Variants in ZYX observed in about 807,000 individuals in gnomAD.
ZYX encodes the protein zyxin.
A neutral mutation model predicts 58.1 loss-of-function variants in ZYX; 37 were observed. The ratio of observed to expected loss-of-function variants is 0.64; its 90% CI spans 0.49 to 0.84. The LOEUF (loss-of-function observed/expected upper bound fraction) is 0.84. ZYX is among the 40% of genes least tolerant of loss of function. The probability of loss-of-function intolerance (pLI) is 0.00; values close to 1 mark genes in which losing one functional copy is unlikely to be tolerated. For synonymous variants in ZYX, 324 were observed against 321.1 expected, an observed-to-expected ratio of 1.01 and a Z score of -0.10; for missense variants, 762 against 761.6, an observed-to-expected ratio of 1.00 and a Z score of -0.01.
Position 143,382,243 on chromosome 7 carries a change from C to A in ZYX, c.209-5C>A, listed in dbSNP as rs370831254. ...CGGCCGACGTCTTTCTCCTTCCTAC[C>A]CCAGACTTTCCCCTGCCTCCACCTC... On this transcript the variant is annotated splice_region_variant and splice_polypyrimidine_tract_variant and intron_variant, in intron 2 of 9. Transcript: ENST00000322764. The A allele has an allele frequency of 3.7e-6, 6 of 1,611,916 alleles. No homozygotes were observed. The highest frequency in any genetic ancestry group is 4.2e-6 in the Non-Finnish European group (5 of 1,179,132).
chr7:143,388,620 A>G lies in ZYX; in HGVS notation c.1276A>G (p.Ser426Gly). ...GCAGCTCCAGGGCCAGCAGTTCTAC[A>G]GTCTGGAGGGGGCGCCGTACTGCGA... ...AQQLQGQQFY[S>G]LEGAPYCEGC... Residue 426 changes from serine (S) to glycine (G), a missense_variant, in exon 7 of 10, where the codon AGT becomes GGT. Coordinates refer to ENST00000322764, the MANE Select transcript of ZYX (RefSeq NM_003461.5). The surrounding 1 kb of genome is among the most constrained non-coding windows in gnomAD (Gnocchi z 7.5). The G allele has an allele frequency of 1.2e-6, 2 of 1,613,338 alleles. No homozygotes were observed. Among genetic ancestry groups the G allele is most frequent in the Non-Finnish European group, 1.7e-6 (2 of 1,179,906 alleles).
Position 143,381,755 on chromosome 7 carries a change from G to A in ZYX, c.184G>A (p.Glu62Lys). 2 of 1,584,750 alleles carry A rather than the reference G, an allele frequency of 1.3e-6. No individual in the cohort carries two copies. Among genetic ancestry groups the A allele is most frequent in the Non-Finnish European group, 1.7e-6 (2 of 1,165,732 alleles). The change falls in exon 2 of 10, where the codon GAG becomes AAG. Residue 62 changes from glutamate (E) to lysine (K), a missense_variant. Coordinates refer to ENST00000322764, the MANE Select transcript of ZYX (RefSeq NM_003461.5). ...AQRAQMGRVG[E>K]IPPPPPEDFP... ...GCGCGCACAGATGGGCCGGGTGGGC[G>A]AGATTCCCCCGCCGCCCCCGGAAGG...
rs1173462231 is a variant in ZYX at position 143,382,585 on chromosome 7, C to T, written c.409-8C>T. On this transcript the variant is annotated splice_region_variant and splice_polypyrimidine_tract_variant and intron_variant, in intron 3 of 9. Transcript: ENST00000322764. ...ATGGAATAGGTGCTCTGACCTCTGA[C>T]CCTCTAGCCCAGGGAGAAGGTGAGC... is the stretch of plus-strand genomic sequence containing the variant. 6.2e-7 allele frequency: 1 copy of T among 1,613,826 alleles called. No homozygotes were observed. The highest frequency in any genetic ancestry group is 1.7e-5 in the Admixed American group (1 of 60,028).
chr7:143,382,050 C>A (rs906013475), intron 2 of ZYX, 198 bp from the exon 3 acceptor site: 4 of 610,368 alleles, frequency 6.6e-6, no homozygotes, highest in Non-Finnish European at 1.1e-5. Flanking sequence ...GTAACGGGAG[C>A]TGCACCACTC....
intron 5 of ZYX, among the ~76,000 whole-genome samples, chr7:143,385,656 A>ATTTTTTTTT (rs1261838329): frequency 3.2e-5 from 3 of 93,276 alleles, no homozygotes; most frequent in Non-Finnish European, 6.3e-5. Flanking sequence ...GTGGTGTGGT[A>ATTTTTTTTT]TATCTTTTTT....
Position 143,390,275 on chromosome 7 carries a change from T to C in ZYX, c.1614+298T>C. On this transcript the variant is annotated intron_variant, in intron 9 of 9. Transcript: ENST00000322764. The surrounding 1 kb of genome is among the most constrained non-coding windows in gnomAD (Gnocchi z 4.3). ...TGGTAGGGGATGGGGAAACAGGAGCTGAGAGAAGAGGTCTTCGAATGGAGG... is the reference window on the plus strand; with the variant it reads ...TGGTAGGGGATGGGGAAACAGGAGCCGAGAGAAGAGGTCTTCGAATGGAGG... 1.8e-6 allele frequency: 1 copy of C among 544,772 alleles called. No individual in the cohort carries two copies. The highest frequency in any genetic ancestry group is 3.2e-5 in the Admixed American group (1 of 31,536). 33.7% of individuals were successfully genotyped at this position (544,772 alleles called of 1,614,324 possible).
rs142687371 is a variant in ZYX at position 143,389,878 on chromosome 7, C to T, written c.1515C>T (p.Ser505=). Reference sequence around the variant, plus strand: ...CCAGGCAGTACGCCCCGAGGTGCTCCGTCTGCTCTGAGCCCATCATGCCTG... The same window carrying T: ...CCAGGCAGTACGCCCCGAGGTGCTCTGTCTGCTCTGAGCCCATCATGCCTG... ...DYHKQYAPRC[S]VCSEPIMPEP... The change falls in exon 9 of 10, where the codon TCC becomes TCT. Residue 505 remains serine (S), a synonymous_variant. Transcript: ENST00000322764. The surrounding 1 kb of genome is among the most constrained non-coding windows in gnomAD (Gnocchi z 5.6). 1.4e-4 allele frequency: 234 copies of T among 1,614,016 alleles called. No individual in the cohort carries two copies. Among genetic ancestry groups the T allele is most frequent in the Non-Finnish European group, 1.7e-4 (199 of 1,180,014 alleles).
At chr7:143,385,934 C>T (rs569222044) in intron 5 of ZYX, among the ~76,000 whole-genome samples, 4 of 150,328 alleles carry the variant, frequency 2.7e-5, no homozygotes, top group South Asian at 2.1e-4. Flanking sequence ...TGTGAGCCAC[C>T]GCGCCTGGCC....
chr7:143,389,805 A>G lies in ZYX; in HGVS notation c.1494-52A>G. 6.2e-7 allele frequency: 1 copy of G among 1,606,930 alleles called. No individual in the cohort carries two copies. Reference sequence around the variant, plus strand: ...CCCAACCTGGCTTATGCGTGCGCACACCGGGGATGAAAGCCCTGGCTAACT... The same window carrying G: ...CCCAACCTGGCTTATGCGTGCGCACGCCGGGGATGAAAGCCCTGGCTAACT... On this transcript the variant is annotated intron_variant, in intron 8 of 9. Transcript: ENST00000322764. The surrounding 1 kb of genome is among the most constrained non-coding windows in gnomAD (Gnocchi z 5.6).
chr7:143,388,437 G>C lies in ZYX; in HGVS notation c.1145-52G>C. 1 of 1,604,230 alleles carries C rather than the reference G, an allele frequency of 6.2e-7. No homozygotes were observed. The highest frequency in any genetic ancestry group is 8.5e-7 in the Non-Finnish European group (1 of 1,173,050). ...CCCTATCTGAGCTGGCTGATCCCTC[G>C]CAGCTCTACATACTTCCTTCTATTT... On this transcript the variant is annotated intron_variant, in intron 6 of 9. Transcript: ENST00000322764. The surrounding 1 kb of genome is among the most constrained non-coding windows in gnomAD (Gnocchi z 7.5).
rs1013033727 is a variant in ZYX at position 143,389,302 on chromosome 7, T to C, written c.1493+357T>C. Among the ~76,000 whole-genome samples the C allele has an allele frequency of 2.0e-5, 3 of 152,176 alleles. No individual in the cohort carries two copies. Among genetic ancestry groups the C allele is most frequent in the African/African-American group, 7.2e-5 (3 of 41,444 alleles). Reference sequence around the variant, plus strand: ...TGGATTTCTGGTTTCTCCCCAGAAATAGTGTTTAGAAGGTGGCTACTTTTT... The same window carrying C: ...TGGATTTCTGGTTTCTCCCCAGAAACAGTGTTTAGAAGGTGGCTACTTTTT... On this transcript the variant is annotated intron_variant, in intron 8 of 9. Transcript: ENST00000322764. The surrounding 1 kb of genome is among the most constrained non-coding windows in gnomAD (Gnocchi z 5.6).
chr7:143,382,333 C>T lies in ZYX; in HGVS notation c.294C>T (p.Pro98=), dbSNP rs1167867907. The T allele has an allele frequency of 1.2e-6, 2 of 1,607,400 alleles. No homozygotes were observed. The highest frequency in any genetic ancestry group is 1.7e-6 in the Non-Finnish European group (2 of 1,176,212). The part of the protein sequence containing the change: ...ALGGAFPPPP[P]PIEESFPPAP... ...GAGGTGCCTTCCCGCCGCCCCCTCC[C>T]CCGATCGAGGAATCATTTCCCCCTG... The change falls in exon 3 of 10, where the codon CCC becomes CCT. Residue 98 remains proline (P), a synonymous_variant. Coordinates refer to ENST00000322764, the MANE Select transcript of ZYX (RefSeq NM_003461.5).
Position 143,390,757 on chromosome 7 carries a change from C to G in ZYX, c.*75C>G. ...CCCACACTGAGACCACCTGCCCCCA[C>G]CTCAGTTATTGTTTTGATGTCTAGC... is the stretch of plus-strand genomic sequence containing the variant. On this transcript the variant is annotated 3_prime_UTR_variant, in exon 10 of 10. Coordinates refer to ENST00000322764, the MANE Select transcript of ZYX (RefSeq NM_003461.5). This position sits in a 1 kb window ranked among gnomAD's most constrained non-coding sequence, Gnocchi z 4.3. 3 of 1,123,802 alleles carry G rather than the reference C, an allele frequency of 2.7e-6. No homozygotes were observed. Among genetic ancestry groups the G allele is most frequent in the East Asian group, 5.2e-5 (2 of 38,688 alleles). The allele number at this position is 1,123,802 out of a possible 1,614,324, so 69.6% of individuals were successfully genotyped here. A position where few individuals can be genotyped will look rare whatever the true frequency, so the allele number is the denominator to read the frequency against.
At chr7:143,385,791 G>A (rs754171740) in intron 5 of ZYX, among the ~76,000 whole-genome samples, 37 of 148,208 alleles carry the variant, frequency 2.5e-4, no homozygotes, top group Non-Finnish European at 3.7e-4. Context: ...TTACAGGCAC[G>A]TTCCACCACA....
Position 143,390,584 on chromosome 7 carries a change from G to C in ZYX, c.1621G>C (p.Gly541Arg), listed in dbSNP as rs756852682. Residue 541 changes from glycine to arginine, a missense_variant, in exon 10 of 10, where the codon GGG becomes CGG. By Grantham distance (125) the Gly-to-Arg change is moderately radical. Transcript: ENST00000322764. This position sits in a 1 kb window ranked among gnomAD's most constrained non-coding sequence, Gnocchi z 4.3. ...CACCCTTCCTTCTTCCCAGGACTGC[G>C]GGAAGCCCCTGTCGATTGAGGCAGA... ...HMKCYKCEDCGKPLSIEADDN... is the reference protein window; with the variant it reads ...HMKCYKCEDCRKPLSIEADDN... 2.6e-6 allele frequency: 4 copies of C among 1,565,898 alleles called. No homozygotes were observed. The highest frequency in any genetic ancestry group is 2.3e-5 in the East Asian group (1 of 42,654).
At position 143,384,136 on chromosome 7, in the gene ZYX, A is replaced by C. The variant is rs1804772221; in HGVS notation, c.1023+814A>C. 2.1e-6 allele frequency: 1 copy of C among 466,612 alleles called. No individual in the cohort carries two copies. 28.9% of individuals were successfully genotyped at this position (466,612 alleles called of 1,614,324 possible). A position where few individuals can be genotyped will look rare whatever the true frequency, so the allele number is the denominator to read the frequency against. On this transcript the variant is annotated intron_variant, in intron 5 of 9. Transcript: ENST00000322764. The surrounding 1 kb of genome is among the most constrained non-coding windows in gnomAD (Gnocchi z 4.9). ...ATTTCTGGTGACGAAGATGACCCTGATGGTCATCTAGTCCAAGCATCCAGA... is the reference window on the plus strand; with the variant it reads ...ATTTCTGGTGACGAAGATGACCCTGCTGGTCATCTAGTCCAAGCATCCAGA...
chr7:143,390,428 G>A lies in ZYX; in HGVS notation c.1615-150G>A. ...GTGACTGGAAGTAGGATAGGGATGG[G>A]GAGTTGGGTGTGGCTGGAAAAAGCG... On this transcript the variant is annotated intron_variant, in intron 9 of 9. Coordinates refer to ENST00000322764, the MANE Select transcript of ZYX (RefSeq NM_003461.5). This position sits in a 1 kb window ranked among gnomAD's most constrained non-coding sequence, Gnocchi z 4.3. 1 of 646,556 alleles carries A rather than the reference G, an allele frequency of 1.5e-6. No homozygotes were observed. The highest frequency in any genetic ancestry group is 2.7e-6 in the Non-Finnish European group (1 of 366,148). The allele number at this position is 646,556 out of a possible 1,614,324, so 40.1% of individuals were successfully genotyped here.
intron 5 of ZYX, among the ~76,000 whole-genome samples, chr7:143,385,937 G>A (rs1216189213): frequency 6.6e-6 from 1 of 150,908 alleles, no homozygotes; most frequent in Non-Finnish European, 1.5e-5. Flanking sequence ...GAGCCACCGC[G>A]CCTGGCCTGG....
rs1447348817 is a variant in ZYX at position 143,384,977 on chromosome 7, G to GCACAGTGA, written c.1023+1659_1023+1666dup. On this transcript the variant is annotated intron_variant, in intron 5 of 9. Transcript: ENST00000322764. This position sits in a 1 kb window ranked among gnomAD's most constrained non-coding sequence, Gnocchi z 4.9. ...CAGAGATGTCTAGCATGGTAGTGGG[G>GCACAGTGA]CACAGTGACACTGTGACGCTGGAGG... Among the ~76,000 whole-genome samples the GCACAGTGA allele has an allele frequency of 1.3e-5, 2 of 152,124 alleles. No individual in the cohort carries two copies. Among genetic ancestry groups the GCACAGTGA allele is most frequent in the Non-Finnish European group, 2.9e-5 (2 of 68,026 alleles).
Sources: allele counts gnomAD v4.1 joint callset (sites outside exome capture counted in the v4.1 genomes callset), GRCh38; gene constraint gnomAD v4.1.1; non-coding constraint Gnocchi (gnomAD v3.1); transcripts MANE v1.5; gene names NCBI Gene and HGNC (gene_info 2026-07-23, HGNC 2026-07-21).